Variants in ARMC9 observed in about 807,000 individuals in gnomAD.
The protein encoded by ARMC9 is lisH domain-containing protein ARMC9.
ARMC9 carries 94 observed loss-of-function variants against 107.0 expected under a neutral mutation model. That is an observed-to-expected ratio of 0.88 (90% confidence interval 0.74 to 1.04). The LOEUF (loss-of-function observed/expected upper bound fraction) is 1.04. Ranked by LOEUF, ARMC9 falls within the 50% of genes least tolerant of loss-of-function variation. ARMC9 has a pLI of 0.00. For missense variants in ARMC9, 942 were observed against 1,030.1 expected (o/e 0.91, Z 1.17); for synonymous variants, 380 against 396.9 (o/e 0.96, Z 0.51).
At chr2:231,325,783 G>A (rs1245787708) in intron 19 of ARMC9, among the ~76,000 whole-genome samples, 1 of 152,190 alleles carries the variant, frequency 6.6e-6, no homozygotes, top group African/African-American at 2.4e-5. Context: ...ACTTGGGGTA[G>A]GGCCTCACAA....
chr2:231,256,430 CGT>C, intron 9 of ARMC9, 154 bp from the exon 10 acceptor site: 1 of 1,120,878 alleles, frequency 8.9e-7, no homozygotes, highest in Non-Finnish European at 1.3e-6. Context: ...TTAAATAAAG[CGT>C]TTGTGTTTCA....
At chr2:231,318,637 T>C (rs535854276) in intron 19 of ARMC9, among the ~76,000 whole-genome samples, 1 of 152,326 alleles carries the variant, frequency 6.6e-6, no homozygotes, top group East Asian at 1.9e-4. Context: ...AGGAAGGCCA[T>C]GAACACACAG....
chr2:231,228,788 G>T (rs1043627225), intron 7 of ARMC9, among the ~76,000 whole-genome samples: 5 of 152,100 alleles, frequency 3.3e-5, no homozygotes, highest in African/African-American at 1.2e-4. Flanking sequence ...CCAGGTCGCT[G>T]TTCTGAACTA....
Position 231,371,847 on chromosome 2 carries a change from CT to C in ARMC9, c.*313del. 1 of 311,572 alleles carries C rather than the reference CT, an allele frequency of 3.2e-6. No individual in the cohort carries two copies. Among genetic ancestry groups the C allele is most frequent in the Non-Finnish European group, 5.9e-6 (1 of 170,568 alleles). The allele number at this position is 311,572 out of a possible 1,614,324, so 19.3% of individuals were successfully genotyped here. On this transcript the variant is annotated 3_prime_UTR_variant, in exon 25 of 25. Transcript: ENST00000611582. ...GTGGCTTTTGCCCGCAGGAGATCTT[CT>C]GGCCCCAGAAACAGCAGGTGCTGGA...
At chr2:231,244,196 CT>C in intron 9 of ARMC9, among the ~76,000 whole-genome samples, 1 of 152,128 alleles carries the variant, frequency 6.6e-6, no homozygotes, top group Non-Finnish European at 1.5e-5. Context: ...AGAATCTGGG[CT>C]TCTACCAACT....
At chr2:231,222,928 T>G in intron 6 of ARMC9, 108 bp downstream of exon 6, 1 of 638,972 alleles carries the variant, frequency 1.6e-6, no homozygotes, top group South Asian at 2.3e-5. Context: ...ATCGGGATAA[T>G]TAATAGTGTT....
intron 7 of ARMC9, among the ~76,000 whole-genome samples, chr2:231,228,266 A>G (rs1035370202): frequency 3.3e-5 from 5 of 152,224 alleles, no homozygotes; most frequent in African/African-American, 9.6e-5. Context: ...GCACAAAACA[A>G]TGACATTCAC....
rs143768819 is a variant in ARMC9 at position 231,299,262 on chromosome 2, A to G, written c.1773+3009A>G. On this transcript the variant is annotated intron_variant, in intron 19 of 24. Coordinates refer to ENST00000611582, the MANE Select transcript of ARMC9 (RefSeq NM_001352754.2). Reference sequence around the variant, plus strand: ...GATATAATGTCAAATAGAAAAAGGAAATCATAAAGTAATTTGACCAATAAT... The same window carrying G: ...GATATAATGTCAAATAGAAAAAGGAGATCATAAAGTAATTTGACCAATAAT... Among the ~76,000 whole-genome samples, 733 of 152,360 alleles carry G rather than the reference A, an allele frequency of 4.8e-3. 7 individuals carry two copies. Among genetic ancestry groups the G allele is most frequent in the Non-Finnish European group, 6.1e-3 (417 of 68,032 alleles).
chr2:231,262,630 C>T (rs1294356331), intron 12 of ARMC9, among the ~76,000 whole-genome samples: 1 of 152,152 alleles, frequency 6.6e-6, no homozygotes, highest in African/African-American at 2.4e-5. Context: ...TGCCGTTTTT[C>T]CTTTTCTCAA....
At chr2:231,209,962 G>T (rs1411345615) in intron 3 of ARMC9, among the ~76,000 whole-genome samples, 2 of 152,192 alleles carry the variant, frequency 1.3e-5, no homozygotes, top group Admixed American at 6.5e-5. Context: ...GGGATTATAG[G>T]CATGAGCCAC....
At chr2:231,296,024 G>T in intron 18 of ARMC9, 174 bp from the exon 19 acceptor site, 1 of 430,150 alleles carries the variant, frequency 2.3e-6, no homozygotes, top group Non-Finnish European at 4.1e-6. Context: ...AATTGCTTAG[G>T]ATGATCTCAG....
chr2:231,274,651 G>A (rs2039613704), intron 14 of ARMC9, among the ~76,000 whole-genome samples: 1 of 152,002 alleles, frequency 6.6e-6, no homozygotes, highest in South Asian at 2.1e-4. Context: ...GAGAACTCTA[G>A]TCCCTGGAGT....
At position 231,291,370 on chromosome 2, in the gene ARMC9, A is replaced by C. The variant is rs146650763; in HGVS notation, c.1644A>C (p.Leu548=). The change falls in exon 18 of 25, where the codon CTA becomes CTC. Residue 548 remains leucine (L), a synonymous_variant. Coordinates refer to ENST00000611582, the MANE Select transcript of ARMC9 (RefSeq NM_001352754.2). ...ACTTCTAGGGAATGGAAGACATCCTACGCTGCTTCATCAAAGAAGGCAATG... is the reference window on the plus strand; with the variant it reads ...ACTTCTAGGGAATGGAAGACATCCTCCGCTGCTTCATCAAAGAAGGCAATG... ...EARAMGMEDI[L]RCFIKEGNAE... is the part of the protein sequence containing the mutation. The C allele has an allele frequency of 6.2e-7, 1 of 1,613,658 alleles. No homozygotes were observed. The highest frequency in any genetic ancestry group is 8.5e-7 in the Non-Finnish European group (1 of 1,179,694).
At chr2:231,274,027 C>T (rs1259423292) in intron 14 of ARMC9, among the ~76,000 whole-genome samples, 2 of 152,156 alleles carry the variant, frequency 1.3e-5, no homozygotes, top group Non-Finnish European at 2.9e-5. Flanking sequence ...TCTCACTTAG[C>T]ATCGCGTTTG....
At chr2:231,302,244 A>C (rs1193211365) in intron 19 of ARMC9, among the ~76,000 whole-genome samples, 1 of 151,998 alleles carries the variant, frequency 6.6e-6, no homozygotes, top group African/African-American at 2.4e-5. Context: ...GATTCTGAAG[A>C]GTTAATGAGT....
At chr2:231,224,197 A>G (rs1278882402) in intron 6 of ARMC9, among the ~76,000 whole-genome samples, 3 of 152,266 alleles carry the variant, frequency 2.0e-5, no homozygotes, top group Non-Finnish European at 2.9e-5. Flanking sequence ...CTGTAATCCC[A>G]GCACTTTGGG....
Position 231,361,067 on chromosome 2 carries a change from G to A in ARMC9, c.2261+184G>A, listed in dbSNP as rs1177588989. ...TGCAGCCGCCACTCCTGACCACCTCGGAGGGCTGTGCTGCCTGAGAGCCAT... is the reference window on the plus strand; with the variant it reads ...TGCAGCCGCCACTCCTGACCACCTCAGAGGGCTGTGCTGCCTGAGAGCCAT... On this transcript the variant is annotated intron_variant, in intron 23 of 24. Coordinates refer to ENST00000611582, the MANE Select transcript of ARMC9 (RefSeq NM_001352754.2). Among the ~76,000 whole-genome samples, 6 of 152,228 alleles carry A rather than the reference G, an allele frequency of 3.9e-5. No homozygotes were observed. The South Asian group carries it at 8.3e-4, about 21-fold the overall frequency.
intron 21 of ARMC9, 119 bp downstream of exon 21, chr2:231,345,209 T>A: frequency 1.3e-6 from 2 of 1,493,472 alleles, no homozygotes; most frequent in East Asian, 2.6e-5. Flanking sequence ...AGCATTTATC[T>A]CTTTATTTTT....
At chr2:231,240,349 C>A (rs2125372610) in intron 9 of ARMC9, among the ~76,000 whole-genome samples, 1 of 152,296 alleles carries the variant, frequency 6.6e-6, no homozygotes, top group South Asian at 2.1e-4. Context: ...TTTAAAAGCA[C>A]TGCCATAGTG....
Sources: gnomAD v4.1 joint callset for allele counts (sites outside exome capture counted in the v4.1 genomes callset) on GRCh38, gnomAD v4.1.1 for gene constraint, MANE v1.5 for transcripts, NCBI Gene and HGNC (gene_info 2026-07-23, HGNC 2026-07-21) for gene names.